Variants in BLOC1S5 observed in about 807,000 individuals in gnomAD.
BLOC1S5 encodes the protein biogenesis of lysosomal organelles complex 1 subunit 5.
A neutral mutation model predicts 24.3 loss-of-function variants in BLOC1S5; 27 were observed. The observed-to-expected ratio is 1.11, with a 90% CI of 0.82 to 1.53. The LOEUF is 1.53. Ranked by LOEUF, BLOC1S5 falls within the 40% of genes most tolerant of loss-of-function variation. The pLI is 0.00. For synonymous variants in BLOC1S5, 84 were observed against 74.5 expected, an observed-to-expected ratio of 1.13 and a Z score of -0.66; for missense variants, 239 against 229.4, an observed-to-expected ratio of 1.04 and a Z score of -0.27.
chr6:8,049,465 T>G (rs977702729), intron 2 of BLOC1S5, among the ~76,000 whole-genome samples: 2 of 152,172 alleles, frequency 1.3e-5, no homozygotes, highest in Non-Finnish European at 2.9e-5. Flanking sequence ...TCTGTAAATT[T>G]TACTTGATTT....
intron 4 of BLOC1S5, among the ~76,000 whole-genome samples, chr6:8,016,892 A>G (rs1175774342): frequency 6.6e-6 from 1 of 151,026 alleles, no homozygotes; most frequent in African/African-American, 2.4e-5. Flanking sequence ...AAAAAAAAAA[A>G]AAAGAAATCT....
intron 4 of BLOC1S5, among the ~76,000 whole-genome samples, chr6:8,016,895 A>AAG: frequency 6.6e-6 from 1 of 150,774 alleles, no homozygotes; most frequent in Admixed American, 6.6e-5. Flanking sequence ...AAAAAAAAAA[A>AAG]GAAATCTCCT....
intron 4 of BLOC1S5, among the ~76,000 whole-genome samples, chr6:8,024,300 T>C (rs1201771253): frequency 3.3e-5 from 5 of 151,498 alleles, no homozygotes; most frequent in African/African-American, 1.2e-4. Context: ...CCGAGGCGGG[T>C]GGATCATCCG....
intron 4 of BLOC1S5, among the ~76,000 whole-genome samples, chr6:8,018,875 T>C (rs1009564359): frequency 3.3e-5 from 5 of 152,248 alleles, no homozygotes; most frequent in Non-Finnish European, 5.9e-5. Context: ...ATTGTAATAA[T>C]TCAAACAATA....
At position 8,015,529 on chromosome 6, in the gene BLOC1S5, A is replaced by G; in HGVS notation, c.*120T>C. 1.0e-6 allele frequency: 1 copy of G among 994,044 alleles called. No individual in the cohort carries two copies. The highest frequency in any genetic ancestry group is 2.0e-5 in the South Asian group (1 of 50,008). 61.6% of individuals were successfully genotyped at this position (994,044 alleles called of 1,614,324 possible). A position where few individuals can be genotyped will look rare whatever the true frequency, so the allele number is the denominator to read the frequency against. On this transcript the variant is annotated 3_prime_UTR_variant, in exon 5 of 5. Transcript: ENST00000397457. Reference sequence around the variant, plus strand: ...AGTAGAAACTTCTTTCTTCTGATATAAGAGTGCCACTGAATATATTGCTAA... The same window carrying G: ...AGTAGAAACTTCTTTCTTCTGATATGAGAGTGCCACTGAATATATTGCTAA...
At chr6:8,054,557 T>C (rs12526444) in intron 2 of BLOC1S5, among the ~76,000 whole-genome samples, 18,363 of 152,276 alleles carry the variant, frequency 0.12, 1,435 homozygotes, top group Admixed American at 0.17. Context: ...GGGGTCAATT[T>C]GGCTGGATAT....
intron 4 of BLOC1S5, among the ~76,000 whole-genome samples, chr6:8,022,819 C>T (rs974357580): frequency 2.1e-5 from 3 of 140,694 alleles, no homozygotes; most frequent in Non-Finnish European, 4.4e-5. Context: ...CTCCTGACCT[C>T]GTGATCCGCC....
intron 4 of BLOC1S5, among the ~76,000 whole-genome samples, chr6:8,025,787 ATTAGT>A (rs1251962050): frequency 6.6e-6 from 1 of 152,204 alleles, no homozygotes; most frequent in African/African-American, 2.4e-5. Context: ...ATGTATATTC[ATTAGT>A]TTAGAGCAAT....
At chr6:8,018,863 T>C (rs1230700731) in intron 4 of BLOC1S5, among the ~76,000 whole-genome samples, 2 of 152,222 alleles carry the variant, frequency 1.3e-5, no homozygotes, top group African/African-American at 4.8e-5. Flanking sequence ...TAGCAACAGA[T>C]TATTGTAATA....
intron 2 of BLOC1S5, among the ~76,000 whole-genome samples, chr6:8,053,912 G>A (rs1451271215): frequency 7.6e-6 from 1 of 131,128 alleles, no homozygotes; most frequent in East Asian, 2.8e-4. Flanking sequence ...CACTAACACA[G>A]ATCAAGGACC....
At chr6:8,018,532 C>T (rs953615576) in intron 4 of BLOC1S5, among the ~76,000 whole-genome samples, 28 of 152,330 alleles carry the variant, frequency 1.8e-4, no homozygotes, top group Admixed American at 1.3e-3. Flanking sequence ...TTATCCAGTA[C>T]AGCCCAATAA....
At chr6:8,024,060 T>C (rs529210838) in intron 4 of BLOC1S5, among the ~76,000 whole-genome samples, 1 of 152,346 alleles carries the variant, frequency 6.6e-6, no homozygotes, top group South Asian at 2.1e-4. Flanking sequence ...TATTAAATTA[T>C]CTTCAGAAAA....
chr6:8,018,942 G>T (rs9505336), intron 4 of BLOC1S5, among the ~76,000 whole-genome samples: 37,387 of 152,182 alleles, frequency 0.25, 5,461 homozygotes, highest in African/African-American at 0.41. Context: ...ATTTAATCCT[G>T]GATGTAACCA....
chr6:8,057,902 T>G (rs1764370519), intron 2 of BLOC1S5, among the ~76,000 whole-genome samples: 1 of 152,248 alleles, frequency 6.6e-6, no homozygotes, highest in Non-Finnish European at 1.5e-5. Flanking sequence ...TTCCCTGAGC[T>G]CTCTTAGAAG....
chr6:8,060,074 T>C (rs745577490), intron 2 of BLOC1S5, among the ~76,000 whole-genome samples: 28 of 152,348 alleles, frequency 1.8e-4, no homozygotes, highest in Non-Finnish European at 3.5e-4. Context: ...ATTTATTACA[T>C]AGACTTAGAA....
intron 4 of BLOC1S5, among the ~76,000 whole-genome samples, chr6:8,016,902 T>G (rs9392947): frequency 0.6 from 85,871 of 143,482 alleles, 26,240 homozygotes; most frequent in East Asian, 0.83. Flanking sequence ...AAAAGAAATC[T>G]CCTCTGGGTC....
intron 2 of BLOC1S5, among the ~76,000 whole-genome samples, chr6:8,060,212 C>T (rs994405942): frequency 5.9e-5 from 9 of 151,912 alleles, no homozygotes; most frequent in Admixed American, 1.3e-4. Flanking sequence ...ATGAGCCATG[C>T]GAAAAATGAG....
At chr6:8,041,312 C>CATT in intron 2 of BLOC1S5, 44 bp from the exon 3 acceptor site, 7 of 1,081,680 alleles carry the variant, frequency 6.5e-6, no homozygotes, top group South Asian at 1.8e-5. Flanking sequence ...GTGTCTTTTC[C>CATT]TTTTTTTTTT....
At position 8,041,312 on chromosome 6, in the gene BLOC1S5, CTTTT is replaced by C. The variant is rs55949249; in HGVS notation, c.196-48_196-45del. The stretch of plus-strand genomic sequence containing the variant: ...TGACTAATAAATATGGTGTCTTTTC[CTTTT>C]TTTTTTTTTTTTTTGAAATGGAGTC... On this transcript the variant is annotated intron_variant, in intron 2 of 4. Coordinates refer to ENST00000397457, the MANE Select transcript of BLOC1S5 (RefSeq NM_201280.3). The C allele has an allele frequency of 4.7e-3, 5,059 of 1,081,180 alleles. 4 individuals are homozygous for C. The highest frequency in any genetic ancestry group is 0.02 in the South Asian group (1,076 of 55,142). 67.0% of individuals were successfully genotyped at this position (1,081,180 alleles called of 1,614,324 possible).
Sources: gnomAD v4.1 joint callset for allele counts (sites outside exome capture counted in the v4.1 genomes callset) on GRCh38, gnomAD v4.1.1 for gene constraint, MANE v1.5 for transcripts, NCBI Gene and HGNC (gene_info 2026-07-23, HGNC 2026-07-21) for gene names.